HMG20A: variants seen among roughly 807,000 people sequenced by gnomAD.
The protein encoded by HMG20A is high mobility group protein 20A.
HMG20A carries 17 observed loss-of-function variants against 43.9 expected under a neutral mutation model. The observed-to-expected ratio is 0.39, with a 90% CI of 0.27 to 0.58. The LOEUF (loss-of-function observed/expected upper bound fraction) is 0.58. Ranked by LOEUF, HMG20A falls within the 20% of genes least tolerant of loss-of-function variation. HMG20A has a pLI of 0.59. For synonymous variants in HMG20A, 132 were observed against 147.5 expected, an observed-to-expected ratio of 0.89 and a Z score of 0.76; for missense variants, 341 against 438.2, an observed-to-expected ratio of 0.78 and a Z score of 1.98.
chr15:77,435,258 T>C (rs2073533730), intron 1 of HMG20A, among the ~76,000 whole-genome samples: 1 of 152,122 alleles, frequency 6.6e-6, no homozygotes, highest in South Asian at 2.1e-4. Context: ...TGTCAAGCTG[T>C]ACACTTAAAA....
intron 9 of HMG20A, chr15:77,482,250 T>C (rs796583884): frequency 2.5e-4 from 38 of 152,220 alleles, no homozygotes; most frequent in African/African-American, 8.7e-4. Flanking sequence ...AAAATTGTAA[T>C]CCAGGAATTA....
intron 2 of HMG20A, among the ~76,000 whole-genome samples, chr15:77,463,025 G>A (rs1241560493): frequency 2.0e-5 from 3 of 151,994 alleles, no homozygotes; most frequent in African/African-American, 7.2e-5. Flanking sequence ...ACCTGCCTTG[G>A]CCTCCCAAAG....
chr15:77,443,027 CTTTT>C (rs998172099), intron 1 of HMG20A, among the ~76,000 whole-genome samples: 39 of 118,700 alleles, frequency 3.3e-4, no homozygotes, highest in African/African-American at 1.2e-3. Flanking sequence ...CTACTTTGAA[CTTTT>C]TTTTTTTTTT....
chr15:77,495,820 T>C, the HMG20A span, among the ~76,000 whole-genome samples: 1 of 152,122 alleles, frequency 6.6e-6, no homozygotes, highest in Non-Finnish European at 1.5e-5. Flanking sequence ...TCCAAGGACT[T>C]GTGTAAAGTT....
chr15:77,441,773 C>T (rs182837332), intron 1 of HMG20A, among the ~76,000 whole-genome samples: 78 of 152,204 alleles, frequency 5.1e-4, no homozygotes, highest in Admixed American at 4.6e-3. Flanking sequence ...ATTACTACAT[C>T]TTGATTGTAA....
At chr15:77,498,563 A>G in the HMG20A span, among the ~76,000 whole-genome samples, 31 of 152,272 alleles carry the variant, frequency 2.0e-4, no homozygotes, top group Admixed American at 1.4e-3. Flanking sequence ...AGGTAGCCGA[A>G]GAAGTTCTGC....
chr15:77,482,744 A>G (rs563803550), intron 9 of HMG20A: 6 of 152,168 alleles, frequency 3.9e-5, no homozygotes, highest in African/African-American at 1.2e-4. Flanking sequence ...GAACAGGGCC[A>G]TGTTTCTCAT....
intron 1 of HMG20A, among the ~76,000 whole-genome samples, chr15:77,442,038 AG>A (rs1327681798): frequency 6.6e-6 from 1 of 152,192 alleles, no homozygotes; most frequent in Non-Finnish European, 1.5e-5. Flanking sequence ...GTTTATCTTA[AG>A]GTATATTGGC....
At chr15:77,508,167 G>A in the HMG20A span, among the ~76,000 whole-genome samples, 1 of 152,128 alleles carries the variant, frequency 6.6e-6, no homozygotes, top group Non-Finnish European at 1.5e-5. Context: ...AGGACAGAGG[G>A]CCCATCTTAG....
the HMG20A span, among the ~76,000 whole-genome samples, chr15:77,493,773 C>T: frequency 6.6e-6 from 1 of 152,142 alleles, no homozygotes; most frequent in Non-Finnish European, 1.5e-5. Context: ...CTACAGTGAT[C>T]TTGTGCTTCA....
chr15:77,424,281 A>T (rs1402321607), intron 1 of HMG20A, among the ~76,000 whole-genome samples: 2 of 152,202 alleles, frequency 1.3e-5, no homozygotes, highest in Non-Finnish European at 2.9e-5. Flanking sequence ...TGATACATGT[A>T]TCATTTTCCT....
At position 77,448,849 on chromosome 15, in the gene HMG20A, C is replaced by G. The variant is rs1024803791; in HGVS notation, c.-4-9555C>G. Among the ~76,000 whole-genome samples the G allele has an allele frequency of 2.0e-5, 3 of 151,650 alleles. No homozygotes were observed. The East Asian group carries it at 5.8e-4, about 29-fold the overall frequency. ...CTGTAATCCCAGCACTTTGGGAGGC[C>G]GAGGTGGGTGGATCACAAGGTCAGG... On this transcript the variant is annotated intron_variant, in intron 1 of 9. Transcript: ENST00000336216.
chr15:77,468,291 G>C (rs2072775097), intron 4 of HMG20A, among the ~76,000 whole-genome samples: 1 of 151,866 alleles, frequency 6.6e-6, no homozygotes. Context: ...TCTTTTCAGA[G>C]AATACAGAAA....
intron 3 of HMG20A, among the ~76,000 whole-genome samples, chr15:77,465,625 C>A (rs1009322146): frequency 5.6e-4 from 86 of 152,214 alleles, no homozygotes; most frequent in African/African-American, 2.0e-3. Context: ...GAAATTCTGA[C>A]CTCAAGTGAT....
rs1339818551 is a variant in HMG20A, at chr15:77,478,289, C to T, written c.692-6C>T. 18 of 1,612,946 alleles carry T rather than the reference C, an allele frequency of 1.1e-5. No individual in the cohort carries two copies. The highest frequency in any genetic ancestry group is 1.5e-5 in the Non-Finnish European group (18 of 1,179,930). On this transcript the variant is annotated splice_region_variant and splice_polypyrimidine_tract_variant and intron_variant, in intron 7 of 9. Coordinates refer to ENST00000336216, the MANE Select transcript of HMG20A (RefSeq NM_001304504.2). ...TGCATGTGTTCTGTGGGATGTATGT[C>T]CTCAGCTCGGGAAGCAGAGCTCCGC... is the stretch of plus-strand genomic sequence containing the variant.
At chr15:77,467,815 C>A (rs939490982) in intron 4 of HMG20A, among the ~76,000 whole-genome samples, 2 of 152,076 alleles carry the variant, frequency 1.3e-5, no homozygotes, top group Non-Finnish European at 2.9e-5. Context: ...AGAAACTAAC[C>A]TGATGGGCAA....
At chr15:77,458,105 A>G in intron 1 of HMG20A, 1 of 230,946 alleles carries the variant, frequency 4.3e-6, no homozygotes, top group Non-Finnish European at 8.6e-6. Context: ...AACAATTTCT[A>G]CAGGAAATGA....
At chr15:77,435,037 G>A (rs563336477) in intron 1 of HMG20A, among the ~76,000 whole-genome samples, 27 of 152,038 alleles carry the variant, frequency 1.8e-4, no homozygotes, top group South Asian at 2.1e-4. Flanking sequence ...GCATAATATC[G>A]AGCAAAAGAA....
At chr15:77,496,962 G>A in the HMG20A span, among the ~76,000 whole-genome samples, 1 of 152,348 alleles carries the variant, frequency 6.6e-6, no homozygotes, top group Admixed American at 6.5e-5. Context: ...CGGGAGGACG[G>A]CCCGGGACCC....
Sources: allele counts gnomAD v4.1 joint callset (sites outside exome capture counted in the v4.1 genomes callset), GRCh38; gene constraint gnomAD v4.1.1; transcripts MANE v1.5; gene names NCBI Gene and HGNC (gene_info 2026-07-23, HGNC 2026-07-21).